The following SLC36A3 variants were observed in gnomAD, a reference collection of about 807,000 sequenced individuals.
SLC36A3 encodes the protein solute carrier family 36 member 3.
SLC36A3 carries 35 observed loss-of-function variants against 44.3 expected under a neutral mutation model. The ratio of observed to expected loss-of-function variants is 0.79; its 90% CI spans 0.60 to 1.05. The LOEUF (loss-of-function observed/expected upper bound fraction) is 1.05, where lower values mean the gene tolerates loss of function less well. Ranked by LOEUF, SLC36A3 falls within the 50% of genes least tolerant of loss-of-function variation. The pLI is 0.00. For missense variants in SLC36A3, 540 were observed against 578.7 expected (o/e 0.93, Z 0.69); for synonymous variants, 211 against 227.6 (o/e 0.93, Z 0.66).
chr5:151,280,348 G>T (rs1416597618), intron 9 of SLC36A3, among the ~76,000 whole-genome samples: 1 of 152,276 alleles, frequency 6.6e-6, no homozygotes, highest in East Asian at 1.9e-4. Flanking sequence ...CAGCTACTCA[G>T]GAGGCTGAGG....
Position 151,277,452 on chromosome 5 carries a change from A to G in SLC36A3, c.1354T>C (p.Tyr452His), listed in dbSNP as rs895256753. 6.2e-7 allele frequency: 1 copy of G among 1,614,216 alleles called. No homozygotes were observed. Among genetic ancestry groups the G allele is most frequent in the South Asian group, 1.1e-5 (1 of 91,082 alleles). ...GCIFGTYQAL[Y>H]ELPQPISHSM... is the part of the protein sequence containing the mutation. Reference sequence around the variant, plus strand: ...TGGCTGATGGGTTGGGGCAACTCATAGAGGGCTTGGTATGTCCCAAATATA... The same window carrying G: ...TGGCTGATGGGTTGGGGCAACTCATGGAGGGCTTGGTATGTCCCAAATATA... The change falls in exon 10 of 10, where the codon TAT becomes CAT. Residue 452 changes from tyrosine to histidine, a missense_variant. Coordinates refer to ENST00000335230, the MANE Select transcript of SLC36A3 (RefSeq NM_181774.4).
Position 151,284,718 on chromosome 5 carries a change from G to C in SLC36A3, c.709-7C>G, listed in dbSNP as rs1561630782. ...TGCTGGGATATGGAATCCCCTAAAA[G>C]AAAGTGGGAGAAGCACATTGGTGTT... On this transcript the variant is annotated splice_region_variant and splice_polypyrimidine_tract_variant and intron_variant, in intron 6 of 9. Coordinates refer to ENST00000335230, the MANE Select transcript of SLC36A3 (RefSeq NM_181774.4). 3.7e-6 allele frequency: 6 copies of C among 1,604,914 alleles called. No homozygotes were observed. The highest frequency in any genetic ancestry group is 3.3e-5 in the South Asian group (3 of 90,240).
At chr5:151,284,577 G>A (rs779196546) in intron 7 of SLC36A3, 36 bp downstream of exon 7, 4 of 1,527,928 alleles carry the variant, frequency 2.6e-6, no homozygotes, top group East Asian at 2.3e-5. Context: ...TGTAGAGGGC[G>A]CTAGGGACCA....
chr5:151,299,634 TTAAA>T (rs1755104919), intron 1 of SLC36A3, among the ~76,000 whole-genome samples: 1 of 151,938 alleles, frequency 6.6e-6, no homozygotes, highest in Non-Finnish European at 1.5e-5. Context: ...AAAAAGGAAC[TTAAA>T]TAAAAAGTAC....
intron 1 of SLC36A3, among the ~76,000 whole-genome samples, chr5:151,299,395 T>TATATATATATA (rs1580827365): frequency 1.5e-5 from 2 of 134,558 alleles, no homozygotes; most frequent in Admixed American, 1.5e-4. Context: ...ATATATATAT[T>TATATATATATA]ATATATATAT....
intron 9 of SLC36A3, among the ~76,000 whole-genome samples, chr5:151,279,116 G>A (rs1754214943): frequency 6.6e-6 from 1 of 151,550 alleles, no homozygotes; most frequent in Admixed American, 6.6e-5. Context: ...CCCTTCCCGT[G>A]GTACATTCTT....
intron 8 of SLC36A3, among the ~76,000 whole-genome samples, chr5:151,282,886 CTTTTT>C (rs11362344): frequency 1.0e-3 from 146 of 142,702 alleles, no homozygotes; most frequent in Middle Eastern, 7.2e-3. Flanking sequence ...TTCTTTCTTT[CTTTTT>C]TTTTTTTTTT....
intron 4 of SLC36A3, among the ~76,000 whole-genome samples, chr5:151,289,665 T>C (rs954740267): frequency 1.3e-5 from 2 of 152,154 alleles, no homozygotes; most frequent in African/African-American, 2.4e-5. Flanking sequence ...GTTTGAAGAG[T>C]ATAGGCCAAT....
Position 151,277,430 on chromosome 5 carries a change from C to G in SLC36A3, c.1376G>C (p.Ser459Thr). 3 of 1,614,146 alleles carry G rather than the reference C, an allele frequency of 1.9e-6. No homozygotes were observed. Among genetic ancestry groups the G allele is most frequent in the Non-Finnish European group, 2.5e-6 (3 of 1,180,024 alleles). The stretch of plus-strand genomic sequence containing the variant: ...ACCTGTGGAGTTGGCCATGGAATGG[C>G]TGATGGGTTGGGGCAACTCATAGAG... ...QALYELPQPISHSMANSTGVH... is the reference protein window; with the variant it reads ...QALYELPQPITHSMANSTGVH... The change falls in exon 10 of 10, where the codon AGC becomes ACC. Residue 459 changes from serine to threonine, a missense_variant. Ser to Thr is a moderately conservative substitution (Grantham distance 58, BLOSUM62 1). Coordinates refer to ENST00000335230, the MANE Select transcript of SLC36A3 (RefSeq NM_181774.4).
In SLC36A3 at chr5:151,277,563, C is replaced by G. The variant is rs778665250; in HGVS notation, c.1243G>C (p.Glu415Gln). ...ALALIIPALL[E>Q]IVIFYSEDMS... ...TCCTCAGAGTAAAAGATGACGATCT[C>G]CAGGAGGGCTGGGATGATGAGAGCC... Residue 415 changes from glutamate (E) to glutamine (Q), a missense_variant, in exon 10 of 10, where the codon GAG becomes CAG. By Grantham distance (29) the Glu-to-Gln change is conservative (BLOSUM62 2). Coordinates refer to ENST00000335230, the MANE Select transcript of SLC36A3 (RefSeq NM_181774.4). 6.2e-7 allele frequency: 1 copy of G among 1,614,172 alleles called. No homozygotes were observed. The highest frequency in any genetic ancestry group is 8.5e-7 in the Non-Finnish European group (1 of 1,180,034).
chr5:151,281,353 G>T (rs1167120200), intron 8 of SLC36A3, among the ~76,000 whole-genome samples, 170 bp from the exon 9 acceptor site: 1 of 152,124 alleles, frequency 6.6e-6, no homozygotes, highest in South Asian at 2.1e-4. Context: ...TTGGATAAGG[G>T]TTACTCAATC....
intron 9 of SLC36A3, 124 bp downstream of exon 9, chr5:151,280,890 G>A: frequency 9.1e-7 from 1 of 1,100,328 alleles, no homozygotes; most frequent in East Asian, 2.5e-5. Flanking sequence ...GAGGTCCAGG[G>A]AGGTGAAATA....
intron 7 of SLC36A3, 66 bp from the exon 8 acceptor site, chr5:151,284,276 GGGTT>G: frequency 4.2e-6 from 6 of 1,413,596 alleles, no homozygotes; most frequent in Non-Finnish European, 4.8e-6. Flanking sequence ...GTGAAGGAGA[GGGTT>G]CCCGTACAAG....
intron 7 of SLC36A3, 87 bp from the exon 8 acceptor site, chr5:151,284,297 T>C: frequency 2.2e-6 from 3 of 1,365,538 alleles, no homozygotes; most frequent in Non-Finnish European, 3.0e-6. Flanking sequence ...CAAGCACAAA[T>C]GTCCTTCCCC....
intron 1 of SLC36A3, among the ~76,000 whole-genome samples, chr5:151,300,392 G>T (rs1039427080): frequency 2.6e-5 from 4 of 152,224 alleles, no homozygotes; most frequent in Admixed American, 2.6e-4. Context: ...CCTAACTTCT[G>T]TTAGGGCAGT....
rs201498080 is a variant in SLC36A3 at position 151,281,747 on chromosome 5, G to A, written c.975-564C>T. The stretch of plus-strand genomic sequence containing the variant: ...ACAGGAGAATTGCTTGAACCCAGGA[G>A]GTGGAGGTTGCAGTGAGCCGAAATT... On this transcript the variant is annotated intron_variant, in intron 8 of 9. Transcript: ENST00000335230. Among the ~76,000 whole-genome samples, 4 of 151,098 alleles carry A rather than the reference G, an allele frequency of 2.6e-5. No individual in the cohort carries two copies. The East Asian group carries it at 5.9e-4, about 22-fold the overall frequency.
In SLC36A3 at chr5:151,288,380, C is replaced by G; in HGVS notation, c.489+6G>C. The stretch of plus-strand genomic sequence containing the variant: ...CCCCCACTCTGCCCAGAAGAGGGCT[C>G]TTTACCTGTTGTAAATTGTCTGCCA... On this transcript the variant is annotated splice_donor_region_variant and intron_variant, in intron 5 of 9. Coordinates refer to ENST00000335230, the MANE Select transcript of SLC36A3 (RefSeq NM_181774.4). 1.3e-6 allele frequency: 2 copies of G among 1,595,530 alleles called. No homozygotes were observed. Among genetic ancestry groups the G allele is most frequent in the Non-Finnish European group, 1.7e-6 (2 of 1,170,850 alleles).
chr5:151,302,252 T>C (rs1292669950), intron 1 of SLC36A3, among the ~76,000 whole-genome samples: 1 of 152,210 alleles, frequency 6.6e-6, no homozygotes, highest in Non-Finnish European at 1.5e-5. Context: ...AATTTAATTC[T>C]TCCCAAAAGA....
intron 1 of SLC36A3, among the ~76,000 whole-genome samples, chr5:151,299,414 A>G (rs1561641056): frequency 6.7e-6 from 1 of 148,796 alleles, no homozygotes. Context: ...ATGAATTGCT[A>G]TATATCGACA....
Sources: gnomAD v4.1 joint callset for allele counts (sites outside exome capture counted in the v4.1 genomes callset) on GRCh38, gnomAD v4.1.1 for gene constraint, MANE v1.5 for transcripts, NCBI Gene and HGNC (gene_info 2026-07-23, HGNC 2026-07-21) for gene names.